The following WBP2NL variants were observed in gnomAD, a reference collection of about 807,000 sequenced individuals.
WBP2NL encodes postacrosomal sheath WW domain-binding protein.
In WBP2NL, 27 loss-of-function variants were observed where a neutral mutation model predicts 23.3. The observed-to-expected ratio is 1.16, with a 90% CI of 0.85 to 1.60. The LOEUF (loss-of-function observed/expected upper bound fraction) is 1.60. WBP2NL is among the 40% of genes most tolerant of loss of function. The probability of loss-of-function intolerance (pLI) is 0.00; values close to 1 mark genes in which losing one functional copy is unlikely to be tolerated. For missense variants in WBP2NL, 370 were observed against 389.5 expected, an observed-to-expected ratio of 0.95 and a Z score of 0.42; for synonymous variants, 151 against 145.9, an observed-to-expected ratio of 1.03 and a Z score of -0.25.
chr22:42,033,596 A>G (rs553648105), downstream of WBP2NL, among the ~76,000 whole-genome samples: 14 of 152,274 alleles, frequency 9.2e-5, no homozygotes, highest in African/African-American at 2.4e-4. Context: ...ACAATAGCTC[A>G]GAGGAGGCCT....
chr22:42,011,447 G>A (rs1922810198), intron 1 of WBP2NL, among the ~76,000 whole-genome samples: 1 of 152,000 alleles, frequency 6.6e-6, no homozygotes, highest in African/African-American at 2.4e-5. Context: ...TAGAGATGAG[G>A]TTTTCAAGTT....
chr22:42,033,315 A>C (rs1026981867), downstream of WBP2NL, among the ~76,000 whole-genome samples: 2 of 152,178 alleles, frequency 1.3e-5, no homozygotes, highest in African/African-American at 2.4e-5. Context: ...GCCAGGAACC[A>C]TAGGGCCCCA....
Position 42,028,455 on chromosome 22 carries a change from T to C in WBP2NL, c.*1274T>C, listed in dbSNP as rs1279443397. On this transcript the variant is annotated 3_prime_UTR_variant, in exon 6 of 6. Coordinates refer to ENST00000328823, the MANE Select transcript of WBP2NL (RefSeq NM_152613.3). ...TAGGCCATAAATGTGATAGAGGAAA[T>C]AAAAGGAGTTTGTAGTAAAATTTTA... The C allele has an allele frequency of 6.0e-6, 1 of 165,896 alleles. No homozygotes were observed. Among genetic ancestry groups the C allele is most frequent in the East Asian group, 1.6e-4 (1 of 6,194 alleles). The allele number at this position is 165,896 out of a possible 1,614,324, so 10.3% of individuals were successfully genotyped here.
chr22:42,022,546 G>A (rs1924072620), intron 5 of WBP2NL, among the ~76,000 whole-genome samples, 190 bp downstream of exon 5: 1 of 152,232 alleles, frequency 6.6e-6, no homozygotes, highest in South Asian at 2.1e-4. Flanking sequence ...CTGGGCTTTG[G>A]TTTCAGGCTT....
chr22:42,026,840 G>T lies in WBP2NL; in HGVS notation c.589G>T (p.Gly197Ter). 6 of 1,612,880 alleles carry T rather than the reference G, an allele frequency of 3.7e-6. No homozygotes were observed. Among genetic ancestry groups the T allele is most frequent in the Non-Finnish European group, 5.1e-6 (6 of 1,179,674 alleles). The part of the protein sequence containing the change: ...PGYGAPPAGY[G>*]AQPVGNEGPP... ...ATACGGAGCCCCACCTGCAGGATAT[G>T]GAGCCCAACCCGTAGGAAATGAAGG... The change falls in exon 6 of 6, where the codon GGA becomes TGA. Residue 197 changes from glycine to a stop codon, truncating the protein, a stop_gained. Transcript: ENST00000328823. LOFTEE classifies it low-confidence loss of function (END_TRUNC).
chr22:42,003,875 TATGGTAAACCTTGGGTGGAAGA>T (rs1362996591), intron 1 of WBP2NL, among the ~76,000 whole-genome samples: 1 of 152,238 alleles, frequency 6.6e-6, no homozygotes, highest in Non-Finnish European at 1.5e-5. Context: ...ACATCAAATT[TATGGTAAACCTTGGGTGGAAGA>T]ATGGTGAAAC....
At chr22:42,010,116 G>A (rs1048076025) in intron 1 of WBP2NL, among the ~76,000 whole-genome samples, 1 of 152,074 alleles carries the variant, frequency 6.6e-6, no homozygotes, top group Non-Finnish European at 1.5e-5. Flanking sequence ...TTCATAATTA[G>A]TGTATAGAAA....
In WBP2NL at chr22:42,028,251, A is replaced by G. The variant is rs534328995; in HGVS notation, c.*1070A>G. 197 of 395,654 alleles carry G rather than the reference A, an allele frequency of 5.0e-4. No individual in the cohort carries two copies. The highest frequency in any genetic ancestry group is 3.7e-3 in the African/African-American group (179 of 48,704). 24.5% of individuals were successfully genotyped at this position (395,654 alleles called of 1,614,324 possible). ...GAGAAAAGCAAGTTGTAGGGAGCAT[A>G]TACTATAGTGATTTTCAGCCTCATC... is the stretch of plus-strand genomic sequence containing the variant. On this transcript the variant is annotated 3_prime_UTR_variant, in exon 6 of 6. Coordinates refer to ENST00000328823, the MANE Select transcript of WBP2NL (RefSeq NM_152613.3).
At chr22:41,999,073 A>G (rs1921255562) in intron 1 of WBP2NL, among the ~76,000 whole-genome samples, 193 bp downstream of exon 1, 1 of 147,848 alleles carries the variant, frequency 6.8e-6, no homozygotes. Context: ...CGGAGGCCGG[A>G]ACGCGTGGCC....
intron 1 of WBP2NL, among the ~76,000 whole-genome samples, chr22:42,014,803 G>T (rs1243984458): frequency 6.6e-6 from 1 of 152,142 alleles, no homozygotes; most frequent in East Asian, 1.9e-4. Context: ...ATTTCTGTTT[G>T]GTTCCTTTTA....
At chr22:41,999,003 C>T (rs1921240851) in intron 1 of WBP2NL, 123 bp downstream of exon 1, 1 of 1,188,070 alleles carries the variant, frequency 8.4e-7, no homozygotes, top group Non-Finnish European at 1.1e-6. Flanking sequence ...GCGCTCTTAG[C>T]TCCGCCCCCG....
chr22:42,054,578 T>C (rs1925963322), intron 8 of WBP2NL, among the ~76,000 whole-genome samples: 2 of 152,166 alleles, frequency 1.3e-5, no homozygotes, highest in Non-Finnish European at 2.9e-5. Flanking sequence ...CTAAGAGTTT[T>C]ATAGTTTTCA....
downstream of WBP2NL, among the ~76,000 whole-genome samples, chr22:42,029,081 C>A (rs17002810): frequency 2.0e-5 from 3 of 152,126 alleles, no homozygotes; most frequent in Non-Finnish European, 4.4e-5. Context: ...TCTGGCAAGG[C>A]AGGCAAAGTT....
downstream of WBP2NL, among the ~76,000 whole-genome samples, chr22:42,029,167 T>A (rs1444925047): frequency 6.6e-6 from 1 of 152,000 alleles, no homozygotes; most frequent in Non-Finnish European, 1.5e-5. Context: ...AAAAATACAT[T>A]AGTAGCCAGG....
At chr22:42,001,684 G>T in intron 1 of WBP2NL, 1 of 1,214,054 alleles carries the variant, frequency 8.2e-7, no homozygotes, top group Non-Finnish European at 1.2e-6. Flanking sequence ...AGATCTGCTT[G>T]TATTTATCTT....
chr22:41,999,094 G>GAGGGGT (rs1476966530), intron 1 of WBP2NL, among the ~76,000 whole-genome samples: 2 of 151,906 alleles, frequency 1.3e-5, no homozygotes, highest in Non-Finnish European at 2.9e-5. Context: ...TCGCGCGTTT[G>GAGGGGT]AGGGGTGGGG....
intron 8 of WBP2NL, among the ~76,000 whole-genome samples, chr22:42,039,073 A>G (rs1352576801): frequency 6.8e-6 from 1 of 147,600 alleles, no homozygotes; most frequent in Non-Finnish European, 1.5e-5. Flanking sequence ...ATTCCTGGCT[A>G]ATTTTTTTTT....
At chr22:42,056,051 A>G (rs1178499168) in intron 8 of WBP2NL, among the ~76,000 whole-genome samples, 3 of 152,064 alleles carry the variant, frequency 2.0e-5, no homozygotes, top group Non-Finnish European at 4.4e-5. Context: ...AGGTTTATAC[A>G]TTTGTCATTT....
intron 8 of WBP2NL, among the ~76,000 whole-genome samples, chr22:42,042,367 T>G (rs1449254881): frequency 6.6e-6 from 1 of 152,230 alleles, no homozygotes; most frequent in East Asian, 1.9e-4. Flanking sequence ...TTTTTCTCTT[T>G]TCTCCTCCAA....
Sources: gnomAD v4.1 joint callset for allele counts (sites outside exome capture counted in the v4.1 genomes callset) on GRCh38, gnomAD v4.1.1 for gene constraint, MANE v1.5 for transcripts, NCBI Gene and HGNC (gene_info 2026-07-23, HGNC 2026-07-21) for gene names.